PCDHGB6: variants seen among roughly 807,000 people sequenced by gnomAD.
PCDHGB6 encodes the protein protocadherin gamma subfamily B, 6.
In PCDHGB6, 51 loss-of-function variants were observed where a neutral mutation model predicts 59.1. That is an observed-to-expected ratio of 0.86 (90% confidence interval 0.69 to 1.09). The LOEUF is 1.09. Ranked by LOEUF, PCDHGB6 falls within the 50% of genes least tolerant of loss-of-function variation. The probability of loss-of-function intolerance (pLI) is 0.00; values close to 1 mark genes in which losing one functional copy is unlikely to be tolerated. For synonymous variants in PCDHGB6, 466 were observed against 495.1 expected, an observed-to-expected ratio of 0.94 and a Z score of 0.78; for missense variants, 1,148 against 1,205.1, an observed-to-expected ratio of 0.95 and a Z score of 0.70.
chr5:141,437,377 A>G (rs1021305426), intron 1 of PCDHGB6, among the ~76,000 whole-genome samples: 3 of 152,246 alleles, frequency 2.0e-5, no homozygotes, highest in Non-Finnish European at 2.9e-5. Flanking sequence ...AATCAGTCAG[A>G]AGACATTCAT....
chr5:141,475,984 G>C (rs1282216343), intron 1 of PCDHGB6: 1 of 1,069,308 alleles, frequency 9.4e-7, no homozygotes, highest in Non-Finnish European at 1.3e-6. Flanking sequence ...AACAGCCGGC[G>C]AGCAAATCAA....
At chr5:141,436,691 A>G (rs2097840863) in intron 1 of PCDHGB6, among the ~76,000 whole-genome samples, 1 of 152,226 alleles carries the variant, frequency 6.6e-6, no homozygotes, top group Admixed American at 6.5e-5. Context: ...TATATTTTCA[A>G]TGCCAGCACA....
rs767330174 is a variant in PCDHGB6, at chr5:141,491,818, C to T, written c.2419-2989C>T. The T allele has an allele frequency of 1.6e-5, 24 of 1,481,560 alleles. No homozygotes were observed. The highest frequency in any genetic ancestry group is 1.9e-5 in the Non-Finnish European group (21 of 1,116,446). 91.8% of individuals were successfully genotyped at this position (1,481,560 alleles called of 1,614,324 possible). A position where few individuals can be genotyped will look rare whatever the true frequency, so the allele number is the denominator to read the frequency against. On this transcript the variant is annotated intron_variant, in intron 1 of 3. Transcript: ENST00000520790. This position sits in a 1 kb window ranked among gnomAD's most constrained non-coding sequence, Gnocchi z 6.9. ...CTCCGGCCGGCTTGGTCGCTGGCTGCGCTCCACCCGATTCTCGGGATCATT... is the reference window on the plus strand; with the variant it reads ...CTCCGGCCGGCTTGGTCGCTGGCTGTGCTCCACCCGATTCTCGGGATCATT...
rs922592733 is a variant in PCDHGB6 at position 141,487,979 on chromosome 5, C to T, written c.2419-6828C>T. Among the ~76,000 whole-genome samples the T allele has an allele frequency of 1.3e-5, 2 of 152,178 alleles. No individual in the cohort carries two copies. Among genetic ancestry groups the T allele is most frequent in the African/African-American group, 4.8e-5 (2 of 41,442 alleles). The stretch of plus-strand genomic sequence containing the variant: ...TGGACAAAGGTGGCTGTTTTCTCTA[C>T]TCTTCCTGAAAGAGGGGATCAGATT... On this transcript the variant is annotated intron_variant, in intron 1 of 3. Coordinates refer to ENST00000520790, the MANE Select transcript of PCDHGB6 (RefSeq NM_018926.3). The surrounding 1 kb of genome is among the most constrained non-coding windows in gnomAD (Gnocchi z 5.0).
rs1491285973 is a variant in PCDHGB6, at chr5:141,415,739, GGT to G, written c.2418+5120_2418+5121del. 5.5e-5 allele frequency: 24 copies of G among 435,136 alleles called. No individual in the cohort carries two copies. The African/African-American group carries it at 7.2e-4, about 13-fold the overall frequency. 27.0% of individuals were successfully genotyped at this position (435,136 alleles called of 1,614,324 possible). A position where few individuals can be genotyped will look rare whatever the true frequency, so the allele number is the denominator to read the frequency against. On this transcript the variant is annotated intron_variant, in intron 1 of 3. Transcript: ENST00000520790. Reference sequence around the variant, plus strand: ...ATGAGTAGAATTTGATGTTTATTAAGGTTTTTTTTTTTTTTTTTTTTTTTTTT... The same window carrying G: ...ATGAGTAGAATTTGATGTTTATTAAGTTTTTTTTTTTTTTTTTTTTTTTTT...
chr5:141,439,669 A>T (rs983024479), intron 1 of PCDHGB6, among the ~76,000 whole-genome samples: 4 of 152,174 alleles, frequency 2.6e-5, no homozygotes, highest in Non-Finnish European at 5.9e-5. Context: ...ATGGAATGCA[A>T]ATCCAAGAGC....
chr5:141,418,620 A>T lies in PCDHGB6; in HGVS notation c.2418+8000A>T, dbSNP rs762197476. 180 of 1,613,904 alleles carry T rather than the reference A, an allele frequency of 1.1e-4. No homozygotes were observed. The highest frequency in any genetic ancestry group is 1.5e-4 in the Non-Finnish European group (172 of 1,179,900). On this transcript the variant is annotated intron_variant, in intron 1 of 3. Coordinates refer to ENST00000520790, the MANE Select transcript of PCDHGB6 (RefSeq NM_018926.3). The stretch of plus-strand genomic sequence containing the variant: ...GTGTACAGGGTTAGCCTTCGGGAAG[A>T]CGTGCCTCCAGGCACCTCCATCCTG...
At chr5:141,444,637 G>C (rs2098443357) in intron 1 of PCDHGB6, among the ~76,000 whole-genome samples, 1 of 152,236 alleles carries the variant, frequency 6.6e-6, no homozygotes, top group Non-Finnish European at 1.5e-5. Context: ...CCAGTTCATT[G>C]AGGTAGGGGT....
Position 141,454,887 on chromosome 5 carries a change from T to C in PCDHGB6, c.2419-39920T>C, listed in dbSNP as rs1291501766. Among the ~76,000 whole-genome samples, 3 of 138,310 alleles carry C rather than the reference T, an allele frequency of 2.2e-5. No homozygotes were observed. The Admixed American group carries it at 2.3e-4, about 11-fold the overall frequency. 90.7% of individuals were successfully genotyped at this position (138,310 alleles called of 152,430 possible). A position where few individuals can be genotyped will look rare whatever the true frequency, so the allele number is the denominator to read the frequency against. ...CAGTGGCACGATCTTGGCTCACTGC[T>C]AGCACCGCCTCCCGGGTTCACGCCA... On this transcript the variant is annotated intron_variant, in intron 1 of 3. Coordinates refer to ENST00000520790, the MANE Select transcript of PCDHGB6 (RefSeq NM_018926.3).
At chr5:141,469,543 C>T (rs1031152008) in intron 1 of PCDHGB6, among the ~76,000 whole-genome samples, 1 of 152,040 alleles carries the variant, frequency 6.6e-6, no homozygotes, top group Non-Finnish European at 1.5e-5. Context: ...CCACTGCACT[C>T]CAGCCTGGCG....
chr5:141,427,775 G>A (rs768191014), intron 1 of PCDHGB6: 35 of 1,424,948 alleles, frequency 2.5e-5, no homozygotes, highest in Non-Finnish European at 2.9e-5. Context: ...TGGAGCTGCG[G>A]GCACTGTCGT....
chr5:141,423,236 C>G, intron 1 of PCDHGB6: 1 of 1,613,920 alleles, frequency 6.2e-7, no homozygotes, highest in Non-Finnish European at 8.5e-7. Flanking sequence ...GACAGCATCC[C>G]CGAAGTCCTG....
At chr5:141,452,887 C>T (rs1000136303) in intron 1 of PCDHGB6, among the ~76,000 whole-genome samples, 1 of 152,174 alleles carries the variant, frequency 6.6e-6, no homozygotes, top group Non-Finnish European at 1.5e-5. Flanking sequence ...ATAATTTATT[C>T]CACTTTTATT....
chr5:141,444,240 C>T (rs1017550385), intron 1 of PCDHGB6, among the ~76,000 whole-genome samples: 4 of 128,690 alleles, frequency 3.1e-5, no homozygotes, highest in African/African-American at 5.9e-5. Context: ...GGCATGCTCT[C>T]GGCTCACTGC....
chr5:141,490,249 C>T lies in PCDHGB6; in HGVS notation c.2419-4558C>T, dbSNP rs2099697737. On this transcript the variant is annotated intron_variant, in intron 1 of 3. Coordinates refer to ENST00000520790, the MANE Select transcript of PCDHGB6 (RefSeq NM_018926.3). The surrounding 1 kb of genome is among the most constrained non-coding windows in gnomAD (Gnocchi z 5.4). ...TGCCATGGAGGGCCACTGTGTGATT[C>T]AAGTGGATGTGGGGGATGTCAATGA... The T allele has an allele frequency of 1.2e-6, 2 of 1,614,218 alleles. No individual in the cohort carries two copies. The highest frequency in any genetic ancestry group is 1.7e-6 in the Non-Finnish European group (2 of 1,180,044).
intron 1 of PCDHGB6, among the ~76,000 whole-genome samples, chr5:141,465,407 A>G (rs1019401245): frequency 6.6e-6 from 1 of 152,218 alleles, no homozygotes; most frequent in African/African-American, 2.4e-5. Flanking sequence ...AGAAGAAGCC[A>G]AATCAGCACT....
rs2096665320 is a variant in PCDHGB6 at position 141,422,696 on chromosome 5, A to G, written c.2418+12076A>G. The G allele has an allele frequency of 3.1e-6, 5 of 1,602,638 alleles. No homozygotes were observed. The highest frequency in any genetic ancestry group is 4.3e-6 in the Non-Finnish European group (5 of 1,174,110). On this transcript the variant is annotated intron_variant, in intron 1 of 3. Coordinates refer to ENST00000520790, the MANE Select transcript of PCDHGB6 (RefSeq NM_018926.3). Reference sequence around the variant, plus strand: ...AGCAAACAGAATGCCCTGGTCACTTACTCTCTGACGGATGACACTGTCCAG... The same window carrying G: ...AGCAAACAGAATGCCCTGGTCACTTGCTCTCTGACGGATGACACTGTCCAG...
intron 1 of PCDHGB6, chr5:141,478,289 G>A (rs1210628852): frequency 1.2e-6 from 2 of 1,614,146 alleles, no homozygotes; most frequent in African/African-American, 2.7e-5. Context: ...GCAGTCTAGA[G>A]ACCTATACCG....
chr5:141,505,694 G>A, intron 3 of PCDHGB6, among the ~76,000 whole-genome samples: 1 of 152,208 alleles, frequency 6.6e-6, no homozygotes, highest in East Asian at 1.9e-4. Flanking sequence ...GCCTGGAGGA[G>A]AGCGAACAAG....
Sources: gnomAD v4.1 joint callset for allele counts (sites outside exome capture counted in the v4.1 genomes callset) on GRCh38, gnomAD v4.1.1 for gene constraint, Gnocchi (gnomAD v3.1) non-coding constraint, MANE v1.5 for transcripts, NCBI Gene and HGNC (gene_info 2026-07-23, HGNC 2026-07-21) for gene names.